The following TNFAIP8 variants were observed in gnomAD, a reference collection of about 807,000 sequenced individuals.
The protein encoded by TNFAIP8 is TNF alpha induced protein 8.
TNFAIP8 carries 7 observed loss-of-function variants against 13.3 expected under a neutral mutation model. The observed-to-expected ratio is 0.52, with a 90% confidence interval of 0.30 to 0.99. The LOEUF is 0.99. Ranked by LOEUF, TNFAIP8 falls within the 50% of genes least tolerant of loss-of-function variation. The probability of loss-of-function intolerance (pLI) is 0.07; values close to 1 mark genes in which losing one functional copy is unlikely to be tolerated. For synonymous variants in TNFAIP8, 94 were observed against 87.6 expected, an observed-to-expected ratio of 1.07 and a Z score of -0.41; for missense variants, 258 against 236.9, an observed-to-expected ratio of 1.09 and a Z score of -0.58.
At chr5:119,355,664 G>A, upstream of TNFAIP8, 3 of 390,290 alleles carry the variant, frequency 7.7e-6, no homozygotes, top group Non-Finnish European at 9.1e-6. Flanking sequence ...ACTACAGTGT[G>A]CTCTGAGATG....
intron 1 of TNFAIP8, among the ~76,000 whole-genome samples, chr5:119,321,478 T>C (rs1750054161): frequency 1.3e-5 from 2 of 152,140 alleles, no homozygotes; most frequent in African/African-American, 4.8e-5. Flanking sequence ...CTGTTGTCTG[T>C]TTTACATTTC....
chr5:119,363,328 A>G (rs574553311), intron 1 of TNFAIP8, among the ~76,000 whole-genome samples: 2 of 152,332 alleles, frequency 1.3e-5, no homozygotes, highest in Non-Finnish European at 2.9e-5. Context: ...GTTAGTATTT[A>G]GCAGGTGATC....
chr5:119,342,616 C>T (rs1750775785), intron 1 of TNFAIP8, among the ~76,000 whole-genome samples: 1 of 152,220 alleles, frequency 6.6e-6, no homozygotes, highest in African/African-American at 2.4e-5. Flanking sequence ...TCTGCTTTCT[C>T]AACACCAGAT....
upstream of TNFAIP8, among the ~76,000 whole-genome samples, chr5:119,352,786 G>A (rs977341252): frequency 3.3e-5 from 5 of 150,968 alleles, no homozygotes; most frequent in African/African-American, 9.7e-5. Context: ...AAGTTCAGTC[G>A]AGAGTTGGTG....
At chr5:119,273,136 G>C (rs931265615) in intron 1 of TNFAIP8, among the ~76,000 whole-genome samples, 1 of 152,206 alleles carries the variant, frequency 6.6e-6, no homozygotes, top group Admixed American at 6.5e-5. Context: ...TGTGGCTTTG[G>C]ACAATCTACT....
chr5:119,355,769 C>T (rs544498534), upstream of TNFAIP8: 3 of 297,740 alleles, frequency 1.0e-5, no homozygotes, highest in Non-Finnish European at 1.1e-5. Context: ...AGTCGGCTGC[C>T]GTCTGGGCCT....
intron 1 of TNFAIP8, among the ~76,000 whole-genome samples, chr5:119,388,471 C>T (rs1752763477): frequency 1.3e-5 from 2 of 152,132 alleles, no homozygotes; most frequent in Admixed American, 6.5e-5. Context: ...ACTCTCTAGG[C>T]CTGCAAGTTG....
At chr5:119,299,493 C>T (rs1237057578) in intron 1 of TNFAIP8, among the ~76,000 whole-genome samples, 2 of 152,086 alleles carry the variant, frequency 1.3e-5, no homozygotes, top group Admixed American at 6.5e-5. Flanking sequence ...AGTACCCGGC[C>T]GTGTGAGGTG....
chr5:119,330,956 G>T (rs1750357793), intron 1 of TNFAIP8, among the ~76,000 whole-genome samples: 2 of 152,072 alleles, frequency 1.3e-5, no homozygotes, highest in Non-Finnish European at 2.9e-5. Context: ...TGCCCACCAA[G>T]AAAAAGGCCA....
intron 1 of TNFAIP8, among the ~76,000 whole-genome samples, chr5:119,321,277 G>T (rs1163701240): frequency 2.6e-5 from 4 of 152,120 alleles, no homozygotes; most frequent in Admixed American, 2.6e-4. Flanking sequence ...GGGAAGACTT[G>T]TGGGCATCAG....
In TNFAIP8 at chr5:119,291,352, C is replaced by T. The variant is rs529324752; in HGVS notation, c.1+22445C>T. 3.3e-3 allele frequency among the ~76,000 whole-genome samples: 501 copies of T among 152,266 alleles called. 1 individual carries two copies. Among genetic ancestry groups the T allele is most frequent in the Non-Finnish European group, 5.2e-3 (354 of 68,032 alleles). On this transcript the variant is annotated intron_variant, in intron 1 of 1. Coordinates refer to the TNFAIP8 transcript ENST00000274456. Reference sequence around the variant, plus strand: ...TACATGTGTGTACAGCCACTGTTTTCGGCCTGTCATGCATAATTTACAGTT... The same window carrying T: ...TACATGTGTGTACAGCCACTGTTTTTGGCCTGTCATGCATAATTTACAGTT...
At chr5:119,339,982 T>G (rs935083267) in intron 1 of TNFAIP8, among the ~76,000 whole-genome samples, 1 of 152,176 alleles carries the variant, frequency 6.6e-6, no homozygotes, top group Non-Finnish European at 1.5e-5. Context: ...ATAGAGAGTT[T>G]CATTTAGTTT....
intron 1 of TNFAIP8, among the ~76,000 whole-genome samples, chr5:119,289,361 C>A (rs183766352): frequency 6.6e-6 from 1 of 152,208 alleles, no homozygotes; most frequent in East Asian, 1.9e-4. Context: ...TTACTAGTCA[C>A]CCAGAGCAGT....
At chr5:119,361,998 C>A (rs542985317) in intron 1 of TNFAIP8, among the ~76,000 whole-genome samples, 1 of 152,144 alleles carries the variant, frequency 6.6e-6, no homozygotes, top group Admixed American at 6.5e-5. Context: ...ACCCCATCTT[C>A]AGAGAGTTTT....
intron 1 of TNFAIP8, among the ~76,000 whole-genome samples, chr5:119,356,822 A>G (rs1425839025): frequency 3.3e-5 from 5 of 151,966 alleles, no homozygotes; most frequent in Admixed American, 6.5e-5. Context: ...CGCTGGTGTT[A>G]GTTTGGGGAG....
chr5:119,324,273 T>C (rs1750146223), intron 1 of TNFAIP8, among the ~76,000 whole-genome samples: 1 of 33,956 alleles, frequency 2.9e-5, no homozygotes, highest in Admixed American at 4.8e-4. Context: ...AGACGCCATC[T>C]CAAAAAAAAA....
At chr5:119,388,612 T>C (rs1752770380) in intron 1 of TNFAIP8, among the ~76,000 whole-genome samples, 1 of 151,906 alleles carries the variant, frequency 6.6e-6, no homozygotes, top group Non-Finnish European at 1.5e-5. Context: ...AGCAAAGAAC[T>C]TACATGAAGC....
At chr5:119,388,305 C>T (rs1752755452) in intron 1 of TNFAIP8, among the ~76,000 whole-genome samples, 2 of 152,178 alleles carry the variant, frequency 1.3e-5, no homozygotes, top group Non-Finnish European at 2.9e-5. Flanking sequence ...TGAGGTAAAA[C>T]AAATACCTGT....
intron 1 of TNFAIP8, among the ~76,000 whole-genome samples, chr5:119,300,986 G>A (rs1055629507): frequency 2.0e-5 from 3 of 152,146 alleles, no homozygotes; most frequent in Admixed American, 6.6e-5. Context: ...AGCATTACAA[G>A]TGGGCCCCAA....
Sources: gnomAD v4.1 joint callset for allele counts (sites outside exome capture counted in the v4.1 genomes callset) on GRCh38, gnomAD v4.1.1 for gene constraint, MANE v1.5 for transcripts, NCBI Gene and HGNC (gene_info 2026-07-23, HGNC 2026-07-21) for gene names.